PDZRN4: variants seen among roughly 807,000 people sequenced by gnomAD.
PDZRN4 encodes the protein PDZ domain containing ring finger 4.
PDZRN4 carries 70 observed loss-of-function variants against 99.0 expected under a neutral mutation model. That is an observed-to-expected ratio of 0.71 (90% CI 0.58 to 0.86). The LOEUF (loss-of-function observed/expected upper bound fraction) is 0.86, where lower values mean the gene tolerates loss of function less well. PDZRN4 is among the 40% of genes least tolerant of loss of function. The pLI, the probability that PDZRN4 is intolerant of heterozygous loss-of-function variation, is 0.00. For missense variants in PDZRN4, 1,474 were observed against 1,331.2 expected, an observed-to-expected ratio of 1.11 and a Z score of -1.67; for synonymous variants, 551 against 501.6, an observed-to-expected ratio of 1.10 and a Z score of -1.32.
At chr12:41,544,922 C>T (rs927416498) in intron 5 of PDZRN4, among the ~76,000 whole-genome samples, 6 of 152,152 alleles carry the variant, frequency 3.9e-5, no homozygotes, top group Non-Finnish European at 8.8e-5. Context: ...ACTTTGGGCC[C>T]AAGTTCTCTC....
At chr12:41,216,760 C>A (rs1483784429) in intron 3 of PDZRN4, among the ~76,000 whole-genome samples, 2 of 151,938 alleles carry the variant, frequency 1.3e-5, no homozygotes, top group African/African-American at 2.4e-5. Flanking sequence ...CATTTCAGAA[C>A]ACAGACCAGA....
chr12:41,196,155 T>G (rs1415651239), intron 3 of PDZRN4, among the ~76,000 whole-genome samples: 1 of 152,118 alleles, frequency 6.6e-6, no homozygotes, highest in Non-Finnish European at 1.5e-5. Context: ...CAAGTGCATC[T>G]AGACACCTAC....
At chr12:41,507,751 G>A (rs1011242158) in intron 4 of PDZRN4, among the ~76,000 whole-genome samples, 6 of 152,084 alleles carry the variant, frequency 3.9e-5, no homozygotes, top group African/African-American at 1.4e-4. Context: ...TTGAGACTTC[G>A]AGTTCCAGGA....
intron 3 of PDZRN4, among the ~76,000 whole-genome samples, chr12:41,493,332 G>A (rs940926245): frequency 2.0e-5 from 3 of 152,112 alleles, no homozygotes; most frequent in Admixed American, 2.0e-4. Flanking sequence ...TATTTCAAAA[G>A]CATACAGATG....
At chr12:41,251,598 T>A (rs377115936) in intron 3 of PDZRN4, among the ~76,000 whole-genome samples, 1 of 152,320 alleles carries the variant, frequency 6.6e-6, no homozygotes, top group East Asian at 1.9e-4. Context: ...AGTTAGTTTA[T>A]TTTGATGCAA....
chr12:41,398,981 C>T (rs2121136463), intron 3 of PDZRN4, among the ~76,000 whole-genome samples: 1 of 152,236 alleles, frequency 6.6e-6, no homozygotes, highest in South Asian at 2.1e-4. Flanking sequence ...ACACTCTCAG[C>T]TGTAAAACAA....
chr12:41,211,990 T>C (rs1950891502), intron 3 of PDZRN4, among the ~76,000 whole-genome samples: 1 of 151,996 alleles, frequency 6.6e-6, no homozygotes, highest in Admixed American at 6.6e-5. Context: ...AAACTCCCTT[T>C]GCATATTTTA....
intron 3 of PDZRN4, among the ~76,000 whole-genome samples, chr12:41,306,244 G>T (rs1951568763): frequency 6.6e-6 from 1 of 152,212 alleles, no homozygotes; most frequent in African/African-American, 2.4e-5. Context: ...CCATGGCTCT[G>T]CTGGGCAGGG....
At chr12:41,448,673 G>A (rs1198541490) in intron 3 of PDZRN4, among the ~76,000 whole-genome samples, 1 of 152,098 alleles carries the variant, frequency 6.6e-6, no homozygotes, top group Non-Finnish European at 1.5e-5. Context: ...ACTGAGTTCT[G>A]TTTGAAAATA....
chr12:41,189,172 C>A (rs1950719081), intron 1 of PDZRN4, 69 bp downstream of exon 1: 4 of 1,436,988 alleles, frequency 2.8e-6, no homozygotes, highest in Non-Finnish European at 3.8e-6. Flanking sequence ...TTCTTTCTGA[C>A]GCTTCAGGAT....
At position 41,189,018 on chromosome 12, in the gene PDZRN4, C is replaced by A. The variant is rs1236124953; in HGVS notation, c.563C>A (p.Thr188Lys). Reference protein sequence around the residue: ...LWALQGEVQLTARRYQEKFTQ... With the variant: ...LWALQGEVQLKARRYQEKFTQ... ...GCGCTGCAGGGCGAGGTGCAGCTCACGGCGCGCAGGTACCAGGAGAAGTTC... is the reference window on the plus strand; with the variant it reads ...GCGCTGCAGGGCGAGGTGCAGCTCAAGGCGCGCAGGTACCAGGAGAAGTTC... The change falls in exon 1 of 10, where the codon ACG (threonine) becomes AAG (lysine). Residue 188 changes from threonine to lysine, a missense_variant. Transcript: ENST00000402685. 4 of 1,558,426 alleles carry A rather than the reference C, an allele frequency of 2.6e-6. No individual in the cohort carries two copies. In the Admixed American group the frequency reaches 7.4e-5, roughly 29 times the overall value.
intron 3 of PDZRN4, among the ~76,000 whole-genome samples, chr12:41,483,878 T>A (rs1937723874): frequency 6.6e-6 from 1 of 152,158 alleles, no homozygotes; most frequent in Non-Finnish European, 1.5e-5. Flanking sequence ...ACACATTGCA[T>A]TTATGAGAAA....
chr12:41,308,324 T>G (rs1951585218), intron 3 of PDZRN4, among the ~76,000 whole-genome samples: 2 of 152,192 alleles, frequency 1.3e-5, no homozygotes, highest in African/African-American at 4.8e-5. Flanking sequence ...TCCTCTCATT[T>G]AATTTGCACC....
intron 3 of PDZRN4, among the ~76,000 whole-genome samples, chr12:41,347,346 A>G (rs1951860766): frequency 6.6e-6 from 1 of 152,068 alleles, no homozygotes; most frequent in African/African-American, 2.4e-5. Context: ...CTTTATGGGT[A>G]TGAAGTGGTA....
chr12:41,193,815 A>G (rs182803608), intron 2 of PDZRN4, among the ~76,000 whole-genome samples: 67 of 152,326 alleles, frequency 4.4e-4, no homozygotes, highest in African/African-American at 1.5e-3. Flanking sequence ...CACCTTGTAC[A>G]TGCCCTTTCC....
intron 3 of PDZRN4, among the ~76,000 whole-genome samples, chr12:41,291,215 T>C (rs1056444576): frequency 2.0e-4 from 31 of 152,258 alleles, no homozygotes; most frequent in African/African-American, 7.0e-4. Context: ...ACTGAAAGTG[T>C]TGAATAATTT....
Position 41,402,130 on chromosome 12 carries a change from T to TATACACACACTGAGTATAC in PDZRN4, c.844-104323_844-104322insCACACACTGAGTATACATA, listed in dbSNP as rs1565572957. ...TACACACTGAGTATATATATATATA[T>TATACACACACTGAGTATAC]ATATATATATACACACACTGAGTAT... On this transcript the variant is annotated intron_variant, in intron 3 of 9. Transcript: ENST00000402685. 3.6e-4 allele frequency among the ~76,000 whole-genome samples: 30 copies of TATACACACACTGAGTATAC among 84,032 alleles called. 7 individuals carry two copies. Among genetic ancestry groups the TATACACACACTGAGTATAC allele is most frequent in the Non-Finnish European group, 4.6e-4 (22 of 47,908 alleles). The allele number at this position is 84,032 out of a possible 152,430, so 55.1% of individuals were successfully genotyped here.
At chr12:41,565,621 G>C (rs1485610272) in intron 8 of PDZRN4, among the ~76,000 whole-genome samples, 1 of 151,680 alleles carries the variant, frequency 6.6e-6, no homozygotes, top group African/African-American at 2.4e-5. Flanking sequence ...ATACTCTCTA[G>C]ATTCTTGGAA....
intron 3 of PDZRN4, among the ~76,000 whole-genome samples, chr12:41,342,516 A>G (rs1370931354): frequency 6.6e-6 from 1 of 151,840 alleles, no homozygotes; most frequent in Middle Eastern, 3.2e-3. Context: ...AAAATATAAT[A>G]ATCAAATTTT....
Sources: allele counts gnomAD v4.1 joint callset (sites outside exome capture counted in the v4.1 genomes callset), GRCh38; gene constraint gnomAD v4.1.1; transcripts MANE v1.5; gene names NCBI Gene and HGNC (gene_info 2026-07-23, HGNC 2026-07-21).